Variants in PBX3 observed in about 807,000 individuals in gnomAD.
The protein encoded by PBX3 is pre-B-cell leukemia transcription factor 3.
In PBX3, 14 loss-of-function variants were observed where a neutral mutation model predicts 48.5. That is an observed-to-expected ratio of 0.29 (90% CI 0.19 to 0.45). The LOEUF (loss-of-function observed/expected upper bound fraction) is 0.45. Ranked by LOEUF, PBX3 falls within the 20% of genes least tolerant of loss-of-function variation. PBX3 has a pLI of 1.00. For missense variants in PBX3, 386 were observed against 546.7 expected (o/e 0.71, Z 2.93); for synonymous variants, 210 against 200.3 (o/e 1.05, Z -0.41).
intron 2 of PBX3, among the ~76,000 whole-genome samples, chr9:125,780,388 A>G (rs1352871196): frequency 9.3e-6 from 1 of 107,112 alleles, no homozygotes; most frequent in African/African-American, 3.8e-5. Context: ...TCCCTCCCAG[A>G]CGGGGCGGCT....
intron 2 of PBX3, among the ~76,000 whole-genome samples, chr9:125,805,485 T>A (rs1459296562): frequency 6.6e-6 from 1 of 152,154 alleles, no homozygotes; most frequent in Non-Finnish European, 1.5e-5. Flanking sequence ...ATGAATGGAT[T>A]TTAGGAGGCC....
intron 2 of PBX3, among the ~76,000 whole-genome samples, chr9:125,834,153 T>C (rs897637739): frequency 6.6e-6 from 1 of 152,140 alleles, no homozygotes; most frequent in African/African-American, 2.4e-5. Flanking sequence ...AGTCAATAAA[T>C]AGAATAATTT....
In PBX3 at chr9:125,747,589, A is replaced by T; in HGVS notation, c.136A>T (p.Ile46Phe). Residue 46 changes from isoleucine (I) to phenylalanine (F), a missense_variant, in exon 1 of 9, where the codon ATC becomes TTC. Physicochemically the swap from Ile to Phe is conservative, Grantham distance 21. Around this residue, in one of 4 missense-constraint regions of PBX3, gnomAD observed 116 missense variants for 98.2 expected, o/e 1.18. Transcript: ENST00000373489. ...GGACGGCGACGGCAGGAAGCAGGAC[A>T]TCGGCGACATCCTCCACCAGATCAT... ...GADGDGRKQD[I>F]GDILHQIMTI... The T allele has an allele frequency of 1.2e-6, 2 of 1,607,210 alleles. No individual in the cohort carries two copies. Among genetic ancestry groups the T allele is most frequent in the South Asian group, 1.1e-5 (1 of 90,516 alleles).
At chr9:125,903,406 A>G (rs1263169627) in intron 2 of PBX3, among the ~76,000 whole-genome samples, 1 of 151,854 alleles carries the variant, frequency 6.6e-6, no homozygotes, top group Non-Finnish European at 1.5e-5. Context: ...ATGGCATTAT[A>G]TATTTGTTGT....
chr9:125,844,378 T>G (rs1387509106), intron 2 of PBX3, among the ~76,000 whole-genome samples: 2 of 151,750 alleles, frequency 1.3e-5, no homozygotes, highest in African/African-American at 4.8e-5. Flanking sequence ...ATATTTATAA[T>G]GGATTCATCA....
chr9:125,959,327 G>A (rs180832106), intron 5 of PBX3, among the ~76,000 whole-genome samples: 64 of 152,340 alleles, frequency 4.2e-4, no homozygotes, highest in Non-Finnish European at 6.6e-4. Flanking sequence ...GCTTGTTTCT[G>A]TCTGACGAAC....
At chr9:125,858,938 T>G (rs1010493502) in intron 2 of PBX3, among the ~76,000 whole-genome samples, 1 of 152,130 alleles carries the variant, frequency 6.6e-6, no homozygotes. Context: ...CTTTGGCCCA[T>G]TCTTTTAATT....
At position 125,849,468 on chromosome 9, in the gene PBX3, A is replaced by G. The variant is rs535801729; in HGVS notation, c.275-66218A>G. On this transcript the variant is annotated intron_variant, in intron 2 of 8. Transcript: ENST00000373489. ...TTGAAGTGCTATGTCACAGTATTTAACATGCACATTTTAAAATGGTACACA... is the reference window on the plus strand; with the variant it reads ...TTGAAGTGCTATGTCACAGTATTTAGCATGCACATTTTAAAATGGTACACA... 3.9e-5 allele frequency among the ~76,000 whole-genome samples: 6 copies of G among 152,072 alleles called. No individual in the cohort carries two copies. The South Asian group carries it at 1.2e-3, about 31-fold the overall frequency.
intron 2 of PBX3, among the ~76,000 whole-genome samples, chr9:125,854,996 T>G (rs1339092658): frequency 6.6e-6 from 1 of 152,208 alleles, no homozygotes; most frequent in Non-Finnish European, 1.5e-5. Flanking sequence ...ATTTTTATCA[T>G]CAGTAAGCAA....
rs1463275128 is a variant in PBX3 at position 125,765,772 on chromosome 9, C to T, written c.274+17149C>T. Reference sequence around the variant, plus strand: ...TTTTAAAGCTCCAAAGTAACTCATGCGGGGTGTGCAGTCATAAATCTAGAC... The same window carrying T: ...TTTTAAAGCTCCAAAGTAACTCATGTGGGGTGTGCAGTCATAAATCTAGAC... On this transcript the variant is annotated intron_variant, in intron 2 of 8. Coordinates refer to ENST00000373489, the MANE Select transcript of PBX3 (RefSeq NM_006195.6). Among the ~76,000 whole-genome samples, 5 of 151,894 alleles carry T rather than the reference C, an allele frequency of 3.3e-5. No homozygotes were observed. The East Asian group carries it at 7.7e-4, about 23-fold the overall frequency.
intron 2 of PBX3, among the ~76,000 whole-genome samples, chr9:125,914,034 A>G (rs1359914287): frequency 6.6e-6 from 1 of 152,194 alleles, no homozygotes; most frequent in East Asian, 1.9e-4. Context: ...ATTAAAAGAG[A>G]GGAAAATTAA....
intron 2 of PBX3, among the ~76,000 whole-genome samples, chr9:125,843,174 T>C (rs1839332636): frequency 6.6e-6 from 1 of 152,188 alleles, no homozygotes; most frequent in Admixed American, 6.5e-5. Flanking sequence ...TTCCTTGTTA[T>C]TTGGTTCTAC....
intron 3 of PBX3, among the ~76,000 whole-genome samples, chr9:125,919,138 C>T (rs947298608): frequency 3.3e-5 from 5 of 151,826 alleles, no homozygotes; most frequent in Non-Finnish European, 5.9e-5. Context: ...AATTCAGGTA[C>T]GTTCTGGTTT....
chr9:125,965,810 G>A (rs1378133094), intron 8 of PBX3, 21 bp from the exon 9 acceptor site: 1 of 1,588,566 alleles, frequency 6.3e-7, no homozygotes, highest in South Asian at 1.1e-5. Context: ...TGCACCCGTT[G>A]AACTGTGTTT....
chr9:125,829,373 A>C (rs1417885717), intron 2 of PBX3, among the ~76,000 whole-genome samples: 2 of 152,092 alleles, frequency 1.3e-5, no homozygotes, highest in African/African-American at 4.8e-5. Flanking sequence ...GCTAATATAC[A>C]CTTGTCACGT....
At chr9:125,919,438 T>A (rs1304238357) in intron 3 of PBX3, among the ~76,000 whole-genome samples, 1 of 149,820 alleles carries the variant, frequency 6.7e-6, no homozygotes, top group South Asian at 2.1e-4. Context: ...CTTGAACTCC[T>A]GACCTCATGA....
chr9:125,898,072 A>C (rs553132494), intron 2 of PBX3, among the ~76,000 whole-genome samples: 1 of 151,864 alleles, frequency 6.6e-6, no homozygotes, highest in African/African-American at 2.4e-5. Context: ...ATTATGATGG[A>C]ATTGATAAAT....
chr9:125,805,553 G>A (rs1409314775), intron 2 of PBX3, among the ~76,000 whole-genome samples: 1 of 152,196 alleles, frequency 6.6e-6, no homozygotes, highest in Non-Finnish European at 1.5e-5. Flanking sequence ...AGAGATGATG[G>A]TGGCCTAGAC....
intron 5 of PBX3, among the ~76,000 whole-genome samples, chr9:125,943,890 G>A (rs1842014459): frequency 6.6e-6 from 1 of 152,192 alleles, no homozygotes. Context: ...GAAGGCCAGT[G>A]ACTGAGACCT....
Sources: gnomAD v4.1 joint callset for allele counts (sites outside exome capture counted in the v4.1 genomes callset) on GRCh38, gnomAD v4.1.1 for gene constraint, gnomAD v4.1.1 regional missense constraint, MANE v1.5 for transcripts, NCBI Gene and HGNC (gene_info 2026-07-23, HGNC 2026-07-21) for gene names.